The following TSPAN18 variants were observed in gnomAD, a reference collection of about 807,000 sequenced individuals.
TSPAN18 encodes the protein tetraspanin 18, also known as tetraspanin-18.
TSPAN18 carries 14 observed loss-of-function variants against 27.3 expected under a neutral mutation model. The observed-to-expected ratio is 0.51, with a 90% confidence interval of 0.34 to 0.80. The LOEUF (loss-of-function observed/expected upper bound fraction) is 0.80. TSPAN18 is among the 30% of genes least tolerant of loss of function. The probability of loss-of-function intolerance (pLI) is 0.01; values close to 1 mark genes in which losing one functional copy is unlikely to be tolerated. For synonymous variants in TSPAN18, 143 were observed against 136.5 expected, an observed-to-expected ratio of 1.05 and a Z score of -0.33; for missense variants, 268 against 323.9, an observed-to-expected ratio of 0.83 and a Z score of 1.32.
intron 3 of TSPAN18, among the ~76,000 whole-genome samples, chr11:44,880,011 G>C (rs150737463): frequency 6.6e-6 from 1 of 152,216 alleles, no homozygotes; most frequent in Admixed American, 6.5e-5. Flanking sequence ...GAGCCTCACC[G>C]CACCAAGGAG....
chr11:44,727,350 AC>A (rs537035070), intron 1 of TSPAN18, 63 bp downstream of exon 1: 2 of 150,746 alleles, frequency 1.3e-5, no homozygotes, highest in Non-Finnish European at 2.9e-5. Context: ...GGACCTGGGG[AC>A]CCCCCCGCGC....
At chr11:44,851,624 C>CCA (rs1554991760) in intron 2 of TSPAN18, among the ~76,000 whole-genome samples, 1 of 148,470 alleles carries the variant, frequency 6.7e-6, no homozygotes, top group African/African-American at 2.5e-5. Context: ...CTCCCCCCCC[C>CCA]AACGGCTGGG....
chr11:44,756,825 C>T (rs1046611423), intron 1 of TSPAN18, among the ~76,000 whole-genome samples: 10 of 152,202 alleles, frequency 6.6e-5, no homozygotes, highest in African/African-American at 2.2e-4. Flanking sequence ...TTGATGGACA[C>T]TTGAGTTATT....
chr11:44,778,784 C>A (rs1855871609), intron 2 of TSPAN18, among the ~76,000 whole-genome samples: 2 of 152,278 alleles, frequency 1.3e-5, no homozygotes, highest in South Asian at 4.1e-4. Flanking sequence ...AGCTGACAGT[C>A]CTGGCAGTCT....
At chr11:44,887,065 A>G (rs532298999) in intron 3 of TSPAN18, among the ~76,000 whole-genome samples, 1 of 152,228 alleles carries the variant, frequency 6.6e-6, no homozygotes, top group Non-Finnish European at 1.5e-5. Context: ...AAAGTACCAG[A>G]GTGAAAAAGG....
chr11:44,853,907 G>A (rs1392996322), intron 2 of TSPAN18, among the ~76,000 whole-genome samples: 1 of 152,176 alleles, frequency 6.6e-6, no homozygotes, highest in Non-Finnish European at 1.5e-5. Context: ...GAGGGCAGGG[G>A]AGGGAGGAAA....
intron 2 of TSPAN18, among the ~76,000 whole-genome samples, chr11:44,834,336 GC>G (rs1469560765): frequency 6.6e-6 from 1 of 152,086 alleles, no homozygotes; most frequent in Non-Finnish European, 1.5e-5. Context: ...CTAAGCTGGG[GC>G]TTTTTGTTGG....
In TSPAN18 at chr11:44,875,665, G is replaced by A. The variant is rs144994816; in HGVS notation, c.-11+15196G>A. On this transcript the variant is annotated intron_variant, in intron 3 of 9. Transcript: ENST00000520358. ...GAGTCGAGCTTATTGTCCCCACATTGATCCAGACTCAAGTCCCAGCTCAGT... is the reference window on the plus strand; with the variant it reads ...GAGTCGAGCTTATTGTCCCCACATTAATCCAGACTCAAGTCCCAGCTCAGT... 6.2e-3 allele frequency among the ~76,000 whole-genome samples: 946 copies of A among 152,322 alleles called. 7 individuals carry two copies. The highest frequency in any genetic ancestry group is 0.022 in the African/African-American group (909 of 41,582).
chr11:44,840,429 T>C (rs1444747716), intron 2 of TSPAN18, among the ~76,000 whole-genome samples: 1 of 152,254 alleles, frequency 6.6e-6, no homozygotes, highest in Non-Finnish European at 1.5e-5. Context: ...CAGGTGATCT[T>C]GCTTAATACT....
intron 1 of TSPAN18, among the ~76,000 whole-genome samples, chr11:44,740,680 T>C (rs537194455): frequency 1.3e-5 from 2 of 152,328 alleles, no homozygotes; most frequent in African/African-American, 4.8e-5. Context: ...ATTTCTGTCT[T>C]CCATTGTTCC....
intron 2 of TSPAN18, among the ~76,000 whole-genome samples, chr11:44,797,941 G>T (rs1035475469): frequency 6.6e-6 from 1 of 152,202 alleles, no homozygotes; most frequent in South Asian, 2.1e-4. Context: ...CAAGACGCTT[G>T]TTGGGTCAAA....
chr11:44,852,169 A>G (rs1857623275), intron 2 of TSPAN18, among the ~76,000 whole-genome samples: 1 of 152,174 alleles, frequency 6.6e-6, no homozygotes, highest in African/African-American at 2.4e-5. Flanking sequence ...CTAGGCACCA[A>G]GTTTCTGTGT....
intron 3 of TSPAN18, among the ~76,000 whole-genome samples, chr11:44,872,886 G>A (rs1858233738): frequency 6.6e-6 from 1 of 152,194 alleles, no homozygotes; most frequent in African/African-American, 2.4e-5. Flanking sequence ...GGGTGCCTGT[G>A]CTTCAGAGGA....
chr11:44,809,034 C>G (rs537228631), intron 2 of TSPAN18, among the ~76,000 whole-genome samples: 3 of 152,126 alleles, frequency 2.0e-5, no homozygotes, highest in African/African-American at 7.2e-5. Flanking sequence ...AAACACTTCT[C>G]ATGTCCTAAA....
intron 2 of TSPAN18, among the ~76,000 whole-genome samples, chr11:44,796,472 G>A (rs1034164297): frequency 2.0e-5 from 3 of 152,158 alleles, no homozygotes; most frequent in Non-Finnish European, 4.4e-5. Flanking sequence ...GGAGCTCAGG[G>A]TCGGTCATGG....
intron 3 of TSPAN18, among the ~76,000 whole-genome samples, chr11:44,896,781 TGCCACCACC>T (rs1167199497): frequency 1.3e-5 from 2 of 151,884 alleles, no homozygotes; most frequent in African/African-American, 2.4e-5. Flanking sequence ...TCCTCCACGC[TGCCACCACC>T]ACCACCACCA....
chr11:44,892,697 A>T (rs1858894341), intron 3 of TSPAN18, among the ~76,000 whole-genome samples: 1 of 152,040 alleles, frequency 6.6e-6, no homozygotes, highest in Non-Finnish European at 1.5e-5. Flanking sequence ...GGAGGCATGG[A>T]TTGTTTGAGG....
intron 2 of TSPAN18, among the ~76,000 whole-genome samples, chr11:44,836,079 C>T (rs1484008379): frequency 1.3e-5 from 2 of 152,154 alleles, no homozygotes; most frequent in African/African-American, 4.8e-5. Flanking sequence ...ACAAGGGCCT[C>T]TAAGTGCTCA....
intron 2 of TSPAN18, among the ~76,000 whole-genome samples, chr11:44,851,209 G>A (rs916898458): frequency 2.6e-5 from 4 of 152,224 alleles, no homozygotes; most frequent in African/African-American, 4.8e-5. Context: ...TGAGCAGTGG[G>A]CCAGCGGGGA....
Sources: gnomAD v4.1 joint callset for allele counts (sites outside exome capture counted in the v4.1 genomes callset) on GRCh38, gnomAD v4.1.1 for gene constraint, MANE v1.5 for transcripts, NCBI Gene and HGNC (gene_info 2026-07-23, HGNC 2026-07-21) for gene names.